HIVEP1: variants seen among roughly 807,000 people sequenced by gnomAD.
The protein encoded by HIVEP1 is zinc finger protein 40.
Under a neutral mutation model 180.0 loss-of-function variants are expected in HIVEP1, and 36 were observed. The observed-to-expected ratio is 0.20, with a 90% CI of 0.15 to 0.26. The LOEUF is 0.26. Ranked by LOEUF, HIVEP1 falls within the 10% of genes least tolerant of loss-of-function variation. The probability of loss-of-function intolerance (pLI) is 1.00; values close to 1 mark genes in which losing one functional copy is unlikely to be tolerated. For missense variants in HIVEP1, 3,143 were observed against 3,268.7 expected (o/e 0.96, Z 0.94); for synonymous variants, 1,239 against 1,239.0 (o/e 1.00, Z 0.00).
chr6:12,201,433 T>C, the HIVEP1 span, among the ~76,000 whole-genome samples: 1 of 152,164 alleles, frequency 6.6e-6, no homozygotes, highest in Non-Finnish European at 1.5e-5. Flanking sequence ...TCCATCATTG[T>C]GCCACTGCAC....
At chr6:12,107,678 A>T (rs1774526925) in intron 3 of HIVEP1, among the ~76,000 whole-genome samples, 1 of 152,220 alleles carries the variant, frequency 6.6e-6, no homozygotes, top group Non-Finnish European at 1.5e-5. Flanking sequence ...GTTACAGCTC[A>T]TAAAGGCAGT....
At chr6:12,138,055 C>T (rs1758802141) in intron 7 of HIVEP1, among the ~76,000 whole-genome samples, 1 of 152,204 alleles carries the variant, frequency 6.6e-6, no homozygotes, top group Admixed American at 6.5e-5. Flanking sequence ...TGCCACTCTC[C>T]TGTCCCTCTC....
At chr6:12,096,702 A>T (rs562467456) in intron 3 of HIVEP1, among the ~76,000 whole-genome samples, 1 of 152,166 alleles carries the variant, frequency 6.6e-6, no homozygotes, top group Admixed American at 6.5e-5. Flanking sequence ...ATTTTATGTT[A>T]ATAAGGCCAT....
chr6:12,049,031 T>C (rs1770318174), intron 2 of HIVEP1, among the ~76,000 whole-genome samples: 1 of 152,168 alleles, frequency 6.6e-6, no homozygotes, highest in South Asian at 2.1e-4. Context: ...CAACTCTGGC[T>C]TACCCAAAGG....
chr6:12,145,005 C>T (rs952856738), intron 7 of HIVEP1, among the ~76,000 whole-genome samples: 10 of 152,294 alleles, frequency 6.6e-5, no homozygotes, highest in African/African-American at 2.2e-4. Context: ...TTTGATCCAG[C>T]CATCCCATTA....
chr6:12,168,453 A>G (rs917186041), downstream of HIVEP1, among the ~76,000 whole-genome samples: 3 of 147,542 alleles, frequency 2.0e-5, no homozygotes, highest in African/African-American at 7.4e-5. Context: ...CCAAGTGGGG[A>G]AAAAAAGGAG....
Position 12,064,590 on chromosome 6 carries a change from A to G in HIVEP1, c.41-24594A>G, listed in dbSNP as rs1322072347. Among the ~76,000 whole-genome samples the G allele has an allele frequency of 2.0e-5, 3 of 152,154 alleles. No homozygotes were observed. In the East Asian group the frequency reaches 5.8e-4, roughly 29 times the overall value. On this transcript the variant is annotated intron_variant, in intron 2 of 8. Transcript: ENST00000379388. ...CTGCATGTGTCTGTCTGTGATTTCT[A>G]CCATAGTAAAATGAAACTTCAGTTT...
intron 7 of HIVEP1, among the ~76,000 whole-genome samples, chr6:12,151,323 A>G (rs1161110096): frequency 6.6e-6 from 1 of 152,188 alleles, no homozygotes; most frequent in Non-Finnish European, 1.5e-5. Flanking sequence ...CCATTTATTT[A>G]TGAATTTGCT....
chr6:12,168,382 ATGT>A (rs1760816136), downstream of HIVEP1, among the ~76,000 whole-genome samples: 2 of 124,106 alleles, frequency 1.6e-5, no homozygotes, highest in African/African-American at 5.7e-5. Flanking sequence ...ACATGTATAT[ATGT>A]ATATATATAA....
the HIVEP1 span, among the ~76,000 whole-genome samples, chr6:12,171,087 T>A: frequency 1.3e-5 from 2 of 152,210 alleles, no homozygotes; most frequent in Admixed American, 1.3e-4. Flanking sequence ...GCCTTGGCAC[T>A]TGGATTGAAA....
chr6:12,074,027 C>T (rs1007701086), intron 2 of HIVEP1, among the ~76,000 whole-genome samples: 2 of 152,214 alleles, frequency 1.3e-5, no homozygotes, highest in African/African-American at 4.8e-5. Context: ...GAGAGCTGTA[C>T]ATCACTGTTC....
chr6:12,058,500 G>T (rs758395539), intron 2 of HIVEP1, among the ~76,000 whole-genome samples: 1 of 152,108 alleles, frequency 6.6e-6, no homozygotes, highest in Non-Finnish European at 1.5e-5. Flanking sequence ...AAATATGTTT[G>T]TTGTTGTTGT....
chr6:12,183,143 G>C, the HIVEP1 span, among the ~76,000 whole-genome samples: 39 of 152,222 alleles, frequency 2.6e-4, no homozygotes, highest in African/African-American at 9.1e-4. Flanking sequence ...TTTAATTCCA[G>C]TAAAAATTTA....
At chr6:12,023,303 C>A (rs1269232686) in intron 2 of HIVEP1, among the ~76,000 whole-genome samples, 1 of 152,174 alleles carries the variant, frequency 6.6e-6, no homozygotes, top group African/African-American at 2.4e-5. Context: ...TAGGGATTAT[C>A]TTGTTGAGCT....
At chr6:12,015,702 C>G (rs1767694543) in intron 2 of HIVEP1, 34 bp downstream of exon 2, 2 of 1,585,934 alleles carry the variant, frequency 1.3e-6, no homozygotes, top group Admixed American at 3.5e-5. Context: ...GTAAGGCTTG[C>G]TGTAAATCTT....
intron 3 of HIVEP1, among the ~76,000 whole-genome samples, chr6:12,099,741 G>A (rs367809392): frequency 6.6e-6 from 1 of 152,022 alleles, no homozygotes; most frequent in Non-Finnish European, 1.5e-5. Flanking sequence ...TTATTGAATC[G>A]ATGATGGATG....
intron 2 of HIVEP1, among the ~76,000 whole-genome samples, chr6:12,036,698 G>A (rs1304312865): frequency 6.6e-6 from 1 of 152,254 alleles, no homozygotes; most frequent in Non-Finnish European, 1.5e-5. Flanking sequence ...GAGGTCAGGA[G>A]TTCGAGACCA....
chr6:12,028,206 AT>A (rs1261132744), intron 2 of HIVEP1, among the ~76,000 whole-genome samples: 2 of 152,208 alleles, frequency 1.3e-5, no homozygotes, highest in Non-Finnish European at 2.9e-5. Flanking sequence ...GTATGGTGGA[AT>A]CAGAGGGCCA....
At chr6:12,149,363 GT>G (rs1759555267) in intron 7 of HIVEP1, among the ~76,000 whole-genome samples, 1 of 152,092 alleles carries the variant, frequency 6.6e-6, no homozygotes, top group Non-Finnish European at 1.5e-5. Context: ...TAAGGATTGT[GT>G]TTTTAGGTTT....
Sources: gnomAD v4.1 joint callset for allele counts (sites outside exome capture counted in the v4.1 genomes callset) on GRCh38, gnomAD v4.1.1 for gene constraint, MANE v1.5 for transcripts, NCBI Gene and HGNC (gene_info 2026-07-23, HGNC 2026-07-21) for gene names.